Variants in CPNE5 observed in about 807,000 individuals in gnomAD.
CPNE5 encodes the protein copine 5, also known as copine-5.
CPNE5 carries 42 observed loss-of-function variants against 81.1 expected under a neutral mutation model. The ratio of observed to expected loss-of-function variants is 0.52; its 90% confidence interval spans 0.40 to 0.67. CPNE5 has a LOEUF of 0.67. CPNE5 is among the 30% of genes least tolerant of loss of function. The probability of loss-of-function intolerance (pLI) is 0.00; values close to 1 mark genes in which losing one functional copy is unlikely to be tolerated. For missense variants in CPNE5, 612 were observed against 815.5 expected, an observed-to-expected ratio of 0.75 and a Z score of 3.04; for synonymous variants, 313 against 321.5, an observed-to-expected ratio of 0.97 and a Z score of 0.28.
At chr6:36,795,911 T>C (rs2150517885) in intron 6 of CPNE5, among the ~76,000 whole-genome samples, 1 of 152,218 alleles carries the variant, frequency 6.6e-6, no homozygotes, top group Middle Eastern at 3.4e-3. Context: ...AAGGTCCACC[T>C]CCTCCTCCAA....
intron 3 of CPNE5, among the ~76,000 whole-genome samples, chr6:36,810,199 C>G (rs1770975462): frequency 6.6e-6 from 1 of 152,044 alleles, no homozygotes; most frequent in Non-Finnish European, 1.5e-5. Flanking sequence ...CAGCTCTTGC[C>G]TTTTTACAAA....
rs984923912 is a variant in CPNE5, at chr6:36,838,664, T to C, written c.95+619A>G. The C allele has an allele frequency of 9.7e-6, 6 of 616,234 alleles. No individual in the cohort carries two copies. The African/African-American group carries it at 1.2e-4, about 12-fold the overall frequency. The allele number at this position is 616,234 out of a possible 1,614,324, so 38.2% of individuals were successfully genotyped here. A position where few individuals can be genotyped will look rare whatever the true frequency, so the allele number is the denominator to read the frequency against. ...TTGACCCAAGTTATTTTTTTAATGG[T>C]GCCACTTTAAGTTGTTATCATGTAT... On this transcript the variant is annotated intron_variant, in intron 1 of 20. Coordinates refer to ENST00000244751, the MANE Select transcript of CPNE5 (RefSeq NM_020939.2).
chr6:36,748,381 C>T lies in CPNE5; in HGVS notation c.972-114G>A, dbSNP rs1025946535. On this transcript the variant is annotated intron_variant, in intron 14 of 20. Coordinates refer to ENST00000244751, the MANE Select transcript of CPNE5 (RefSeq NM_020939.2). ...GCTCTGCTGCTTGCCAGGTGTGTGG[C>T]CTTGGTGAAGTCATTCATCTCTTTC... The T allele has an allele frequency of 5.6e-6, 5 of 899,076 alleles. No individual in the cohort carries two copies. The African/African-American group carries it at 6.6e-5, about 12-fold the overall frequency. 55.7% of individuals were successfully genotyped at this position (899,076 alleles called of 1,614,324 possible). A position where few individuals can be genotyped will look rare whatever the true frequency, so the allele number is the denominator to read the frequency against.
At chr6:36,836,484 C>T (rs189324600) in intron 1 of CPNE5, among the ~76,000 whole-genome samples, 2 of 152,256 alleles carry the variant, frequency 1.3e-5, no homozygotes, top group African/African-American at 4.8e-5. Flanking sequence ...AACATTGGCC[C>T]CTCTACCCCA....
chr6:36,766,782 G>A lies in CPNE5; in HGVS notation c.738-1406C>T, dbSNP rs1184754567. On this transcript the variant is annotated intron_variant, in intron 10 of 20. Transcript: ENST00000244751. The surrounding 1 kb of genome is among the most constrained non-coding windows in gnomAD (Gnocchi z 4.2). ...AACAAGCTAGTAAGGCCCGCCTGCT[G>A]CATGGGAGGGTCTCTACAAAAATGC... is the stretch of plus-strand genomic sequence containing the variant. Among the ~76,000 whole-genome samples, 2 of 152,228 alleles carry A rather than the reference G, an allele frequency of 1.3e-5. No individual in the cohort carries two copies. The highest frequency in any genetic ancestry group is 1.9e-4 in the East Asian group (1 of 5,200).
intron 10 of CPNE5, among the ~76,000 whole-genome samples, chr6:36,769,747 C>T: frequency 6.6e-6 from 1 of 152,356 alleles, no homozygotes; most frequent in Non-Finnish European, 1.5e-5. Context: ...GCCTCAGCTT[C>T]TGCATGTGAA....
chr6:36,746,156 A>T lies in CPNE5; in HGVS notation c.1200+240T>A. ...CCTCCACCTGCACCTGCGTCTTGTC[A>T]GGAACAAGGAAGCCAGGGCCAGCTG... On this transcript the variant is annotated intron_variant, in intron 16 of 20. Transcript: ENST00000244751. This position sits in a 1 kb window ranked among gnomAD's most constrained non-coding sequence, Gnocchi z 4.5. 1 of 985,306 alleles carries T rather than the reference A, an allele frequency of 1.0e-6. No individual in the cohort carries two copies. The highest frequency in any genetic ancestry group is 1.2e-6 in the Non-Finnish European group (1 of 829,844). 61.0% of individuals were successfully genotyped at this position (985,306 alleles called of 1,614,324 possible). A position where few individuals can be genotyped will look rare whatever the true frequency, so the allele number is the denominator to read the frequency against.
chr6:36,809,469 G>A (rs1770903036), intron 3 of CPNE5, among the ~76,000 whole-genome samples: 1 of 151,978 alleles, frequency 6.6e-6, no homozygotes, highest in Non-Finnish European at 1.5e-5. Flanking sequence ...CCAGCTACTT[G>A]GGAGGCTGAG....
intron 12 of CPNE5, among the ~76,000 whole-genome samples, chr6:36,762,294 A>G (rs1456370048): frequency 1.5e-4 from 21 of 143,542 alleles, no homozygotes; most frequent in African/African-American, 5.6e-4. Context: ...ACGCGCACAC[A>G]CACATACATG....
chr6:36,798,105 GC>G, intron 6 of CPNE5, 59 bp downstream of exon 6: 2 of 1,351,804 alleles, frequency 1.5e-6, no homozygotes, highest in Non-Finnish European at 2.1e-6. Context: ...TCCTGAGCCA[GC>G]CCCCAGCAGA....
At chr6:36,810,010 C>A (rs376073647) in intron 3 of CPNE5, among the ~76,000 whole-genome samples, 6 of 152,000 alleles carry the variant, frequency 3.9e-5, no homozygotes, top group Admixed American at 2.6e-4. Context: ...GATGAAAGAA[C>A]GGAGCTCTTG....
chr6:36,767,680 C>A (rs1393943429), intron 10 of CPNE5, among the ~76,000 whole-genome samples: 2 of 152,216 alleles, frequency 1.3e-5, no homozygotes, highest in Non-Finnish European at 2.9e-5. Context: ...TGGAGGAGGA[C>A]CCCAGTCATG....
intron 10 of CPNE5, among the ~76,000 whole-genome samples, chr6:36,774,242 G>A (rs569341587): frequency 2.9e-4 from 44 of 152,078 alleles, no homozygotes; most frequent in South Asian, 8.3e-4. Context: ...TTAGCTGGGC[G>A]TGGTGGTAGG....
intron 11 of CPNE5, among the ~76,000 whole-genome samples, chr6:36,764,134 C>A (rs998002591): frequency 7.0e-6 from 1 of 141,872 alleles, no homozygotes; most frequent in South Asian, 2.4e-4. Flanking sequence ...ATATTTACAG[C>A]TCTCAGCATT....
upstream of CPNE5, chr6:36,839,457 T>C: frequency 3.3e-6 from 4 of 1,225,158 alleles, no homozygotes; most frequent in Non-Finnish European, 3.4e-6. The surrounding 1 kb of genome is among the most constrained non-coding windows in gnomAD (Gnocchi z 7.3). Context: ...AGCCCTGGGC[T>C]CTCCCCCAAC....
In CPNE5 at chr6:36,749,865, G is replaced by T. The variant is rs536220487; in HGVS notation, c.972-1598C>A. Reference sequence around the variant, plus strand: ...TTAGGTTTTGAGGATTCAGATTCAGGCTTGAGACTTTCTGAGGGCTTGGCC... The same window carrying T: ...TTAGGTTTTGAGGATTCAGATTCAGTCTTGAGACTTTCTGAGGGCTTGGCC... On this transcript the variant is annotated intron_variant, in intron 14 of 20. Transcript: ENST00000244751. 3.3e-5 allele frequency among the ~76,000 whole-genome samples: 5 copies of T among 152,276 alleles called. No homozygotes were observed. The East Asian group carries it at 9.6e-4, about 29-fold the overall frequency.
intron 1 of CPNE5, among the ~76,000 whole-genome samples, chr6:36,829,801 T>A: frequency 9.7e-6 from 1 of 102,810 alleles, no homozygotes; most frequent in East Asian, 2.8e-4. Flanking sequence ...TGACAGAGTG[T>A]GGCTCCATCT....
chr6:36,799,057 TC>T (rs1769863645), intron 4 of CPNE5, among the ~76,000 whole-genome samples: 1 of 152,080 alleles, frequency 6.6e-6, no homozygotes, highest in African/African-American at 2.4e-5. Context: ...GCTGGCCTCC[TC>T]CCCTCACCTG....
chr6:36,808,484 C>T (rs908249474), intron 3 of CPNE5, among the ~76,000 whole-genome samples: 2 of 152,092 alleles, frequency 1.3e-5, no homozygotes, highest in South Asian at 2.1e-4. Flanking sequence ...GGACATCTCC[C>T]GGCACGTGAG....
Sources: gnomAD v4.1 joint callset for allele counts (sites outside exome capture counted in the v4.1 genomes callset) on GRCh38, gnomAD v4.1.1 for gene constraint, Gnocchi (gnomAD v3.1) non-coding constraint, MANE v1.5 for transcripts, NCBI Gene and HGNC (gene_info 2026-07-23, HGNC 2026-07-21) for gene names.